COL5A1: variants seen among roughly 807,000 people sequenced by gnomAD.
COL5A1 encodes the protein collagen alpha-1(V) chain.
COL5A1 carries 16 observed loss-of-function variants against 263.7 expected under a neutral mutation model. The ratio of observed to expected loss-of-function variants is 0.06; its 90% CI spans 0.04 to 0.09. The LOEUF is 0.09. COL5A1 is among the 10% of genes least tolerant of loss of function. The pLI is 1.00. For missense variants in COL5A1, 2,036 were observed against 2,540.5 expected (o/e 0.80, Z 4.27); for synonymous variants, 1,012 against 1,004.5 (o/e 1.01, Z -0.14).
intron 41 of COL5A1, among the ~76,000 whole-genome samples, chr9:134,805,701 A>C (rs1838270771): frequency 1.3e-5 from 2 of 152,170 alleles, no homozygotes; most frequent in Admixed American, 1.3e-4. Context: ...GGCATCCCCT[A>C]GAAAACGCAC....
At position 134,726,208 on chromosome 9, in the gene COL5A1, C is replaced by T. The variant is rs1834644035; in HGVS notation, c.655-1058C>T. ...AAAGCTGCCAGCACTGCACTGGCAT[C>T]TGGCAGGTGCTCAACAGGTGTCTGG... On this transcript the variant is annotated intron_variant, in intron 4 of 65. Transcript: ENST00000371817. 5.3e-5 allele frequency among the ~76,000 whole-genome samples: 8 copies of T among 152,212 alleles called. 1 individual carries two copies. In the South Asian group the frequency reaches 1.7e-3, roughly 32 times the overall value.
chr9:134,791,671 C>T (rs1837695784), intron 32 of COL5A1, among the ~76,000 whole-genome samples: 1 of 152,088 alleles, frequency 6.6e-6, no homozygotes, highest in African/African-American at 2.4e-5. Context: ...CCTCTGGGCG[C>T]TGGCTTGCCT....
rs1317785125 is a variant in COL5A1, at chr9:134,652,110, C to T, written c.109+9814C>T. ...CCCGCGGTCGAGGTGGGGTGAAGGG[C>T]GTTCTCGAGGGAAGGGTAGGGAACG... On this transcript the variant is annotated intron_variant, in intron 1 of 65. Coordinates refer to ENST00000371817, the MANE Select transcript of COL5A1 (RefSeq NM_000093.5). This position sits in a 1 kb window ranked among gnomAD's most constrained non-coding sequence, Gnocchi z 4.4. Among the ~76,000 whole-genome samples the T allele has an allele frequency of 6.6e-6, 1 of 152,056 alleles. No individual in the cohort carries two copies. Among genetic ancestry groups the T allele is most frequent in the Admixed American group, 6.5e-5 (1 of 15,270 alleles).
intron 9 of COL5A1, chr9:134,732,621 T>C (rs1834937396): frequency 4.5e-6 from 1 of 223,172 alleles, no homozygotes; most frequent in Non-Finnish European, 9.0e-6. Context: ...TGGAATACTG[T>C]TTATGAAACT....
At position 134,741,030 on chromosome 9, in the gene COL5A1, C is replaced by T. The variant is rs1835282401; in HGVS notation, c.1494+2222C>T. Reference sequence around the variant, plus strand: ...TCCAGGAGCTGAGAGCTGACCACCCCTCTGGGTCCAGCTCCGGCCAGCCTT... The same window carrying T: ...TCCAGGAGCTGAGAGCTGACCACCCTTCTGGGTCCAGCTCCGGCCAGCCTT... On this transcript the variant is annotated intron_variant, in intron 11 of 65. Transcript: ENST00000371817. The surrounding 1 kb of genome is among the most constrained non-coding windows in gnomAD (Gnocchi z 4.5). 6.6e-6 allele frequency among the ~76,000 whole-genome samples: 1 copy of T among 152,200 alleles called. No homozygotes were observed. The highest frequency in any genetic ancestry group is 2.1e-4 in the South Asian group (1 of 4,832).
chr9:134,818,153 G>A lies in COL5A1; in HGVS notation c.4230+322G>A, dbSNP rs1316860168. Among the ~76,000 whole-genome samples the A allele has an allele frequency of 6.6e-6, 1 of 152,208 alleles. No individual in the cohort carries two copies. Among genetic ancestry groups the A allele is most frequent in the African/African-American group, 2.4e-5 (1 of 41,460 alleles). The stretch of plus-strand genomic sequence containing the variant: ...GACCTCATGCCTGGTCTTTGAGTCG[G>A]CCAGACCTGAGCCGCCTACCTCTGA... On this transcript the variant is annotated intron_variant, in intron 54 of 65. Transcript: ENST00000371817. This position sits in a 1 kb window ranked among gnomAD's most constrained non-coding sequence, Gnocchi z 6.0.
At position 134,795,310 on chromosome 9, in the gene COL5A1, C is replaced by T. The variant is rs761681285; in HGVS notation, c.2794C>T (p.Pro932Ser). The T allele has an allele frequency of 5.0e-6, 8 of 1,613,414 alleles. No homozygotes were observed. The highest frequency in any genetic ancestry group is 1.7e-5 in the Admixed American group (1 of 59,976). ...GPRGITGKPG[P>S]KGNSGGDGPA... is the part of the protein sequence containing the mutation. ...CCGGGGCATCACTGGGAAGCCTGGC[C>T]CCAAGGTATGTTTTTGGCCTCCTGG... The change falls in exon 34 of 66, where the codon CCC becomes TCC. Residue 932 changes from proline to serine, a missense_variant. Physicochemically the swap from Pro to Ser is moderately conservative, Grantham distance 74. Around this residue, in one of 3 missense-constraint regions of COL5A1, gnomAD observed 1,078 missense variants for 1,521.4 expected, o/e 0.71. Coordinates refer to ENST00000371817, the MANE Select transcript of COL5A1 (RefSeq NM_000093.5).
Position 134,677,465 on chromosome 9 carries a change from G to A in COL5A1, c.110-13447G>A, listed in dbSNP as rs904808076. Among the ~76,000 whole-genome samples, 8 of 152,178 alleles carry A rather than the reference G, an allele frequency of 5.3e-5. No individual in the cohort carries two copies. The highest frequency in any genetic ancestry group is 2.6e-4 in the Admixed American group (4 of 15,282). The stretch of plus-strand genomic sequence containing the variant: ...CTGCCCACACAGGCAGGAATCCAGT[G>A]CATCCAGTAGAGAGAGGCCATGTGC... On this transcript the variant is annotated intron_variant, in intron 1 of 65. Coordinates refer to ENST00000371817, the MANE Select transcript of COL5A1 (RefSeq NM_000093.5). The surrounding 1 kb of genome is among the most constrained non-coding windows in gnomAD (Gnocchi z 4.4).
At position 134,765,545 on chromosome 9, in the gene COL5A1, A is replaced by T; in HGVS notation, c.2035-136A>T. ...CAGGCTGGGAGGGAGTCTGGGCCTCACTCCTGGGAGGCCAGGAGGCCTGAG... is the reference window on the plus strand; with the variant it reads ...CAGGCTGGGAGGGAGTCTGGGCCTCTCTCCTGGGAGGCCAGGAGGCCTGAG... On this transcript the variant is annotated intron_variant, in intron 20 of 65. Coordinates refer to ENST00000371817, the MANE Select transcript of COL5A1 (RefSeq NM_000093.5). This position sits in a 1 kb window ranked among gnomAD's most constrained non-coding sequence, Gnocchi z 5.1. 1 of 749,758 alleles carries T rather than the reference A, an allele frequency of 1.3e-6. No homozygotes were observed. Among genetic ancestry groups the T allele is most frequent in the Non-Finnish European group, 2.4e-6 (1 of 423,544 alleles). 46.4% of individuals were successfully genotyped at this position (749,758 alleles called of 1,614,324 possible).
At chr9:134,662,834 G>C (rs10046876) in intron 1 of COL5A1, among the ~76,000 whole-genome samples, 88,854 of 152,038 alleles carry the variant, frequency 0.58, 28,461 homozygotes, top group Non-Finnish European at 0.74. Flanking sequence ...CATCTTCCTC[G>C]GGCCGCAAGT....
chr9:134,776,300 G>A (rs893191336), intron 27 of COL5A1, among the ~76,000 whole-genome samples: 2 of 152,286 alleles, frequency 1.3e-5, no homozygotes, highest in East Asian at 1.9e-4. Context: ...AATTCCTGTC[G>A]CATAGCAGAA....
In COL5A1 at chr9:134,701,294, C is replaced by A. The variant is rs201286195; in HGVS notation, c.615C>A (p.Ile205=). The change falls in exon 4 of 66, where the codon ATC becomes ATA. Residue 205 remains isoleucine, a synonymous_variant. Coordinates refer to ENST00000371817, the MANE Select transcript of COL5A1 (RefSeq NM_000093.5). ...CCATGATCGACATCAATGGCATCAT[C>A]GTGTTTGGCACCCGGATCCTGGATG... The part of the protein sequence containing the change: ...DHPMIDINGI[I]VFGTRILDEE... 130 of 1,613,860 alleles carry A rather than the reference C, an allele frequency of 8.1e-5. 1 individual carries two copies. The highest frequency in any genetic ancestry group is 9.1e-5 in the Non-Finnish European group (107 of 1,180,030).
chr9:134,730,253 C>T lies in COL5A1; in HGVS notation c.942C>T (p.Pro314=). ...TEVPEELTPT[P]TEAAPMPETS... is the part of the protein sequence containing the mutation. Reference sequence around the variant, plus strand: ...GCTCCCAGGAGCTGACCCCGACCCCCACGGAAGCTGCTCCCATGCCTGAAA... The same window carrying T: ...GCTCCCAGGAGCTGACCCCGACCCCTACGGAAGCTGCTCCCATGCCTGAAA... The change falls in exon 7 of 66, where the codon CCC becomes CCT. Residue 314 remains proline (P), a synonymous_variant. Transcript: ENST00000371817. The T allele has an allele frequency of 6.2e-7, 1 of 1,614,014 alleles. No homozygotes were observed. Among genetic ancestry groups the T allele is most frequent in the South Asian group, 1.1e-5 (1 of 91,080 alleles).
chr9:134,741,543 G>A lies in COL5A1; in HGVS notation c.1494+2735G>A, dbSNP rs1835303510. ...CAAAGTCTGTTGATGCAGATTCACT[G>A]GGGGCTGGCCTCCCTCTCAGGTGAT... On this transcript the variant is annotated intron_variant, in intron 11 of 65. Coordinates refer to ENST00000371817, the MANE Select transcript of COL5A1 (RefSeq NM_000093.5). The surrounding 1 kb of genome is among the most constrained non-coding windows in gnomAD (Gnocchi z 4.5). 6.6e-6 allele frequency among the ~76,000 whole-genome samples: 1 copy of A among 152,068 alleles called. No individual in the cohort carries two copies. Among genetic ancestry groups the A allele is most frequent in the Non-Finnish European group, 1.5e-5 (1 of 68,032 alleles).
Position 134,647,969 on chromosome 9 carries a change from G to A in COL5A1, c.109+5673G>A, listed in dbSNP as rs1221946195. Among the ~76,000 whole-genome samples the A allele has an allele frequency of 1.3e-5, 2 of 152,154 alleles. No homozygotes were observed. Among genetic ancestry groups the A allele is most frequent in the South Asian group, 2.1e-4 (1 of 4,826 alleles). On this transcript the variant is annotated intron_variant, in intron 1 of 65. Transcript: ENST00000371817. This position sits in a 1 kb window ranked among gnomAD's most constrained non-coding sequence, Gnocchi z 5.0. ...TGAAGGATACAAGTATTAATCCTGC[G>A]TGTGTCTATGAGAGTGTTGCCAAAG...
rs148703448 is a variant in COL5A1 at position 134,827,814 on chromosome 9, G to A, written c.5067+1910G>A. Among the ~76,000 whole-genome samples the A allele has an allele frequency of 9.4e-4, 143 of 152,350 alleles. 2 individuals carry two copies. Among genetic ancestry groups the A allele is most frequent in the African/African-American group, 3.2e-3 (131 of 41,582 alleles). ...CACAGCAGAGGCTGGGGGAGCCCGCGCTTGCCCACATCCCGGGACTCTTCC... is the reference window on the plus strand; with the variant it reads ...CACAGCAGAGGCTGGGGGAGCCCGCACTTGCCCACATCCCGGGACTCTTCC... On this transcript the variant is annotated intron_variant, in intron 63 of 65. Transcript: ENST00000371817.
rs3196378 is a variant in COL5A1 at position 134,843,036 on chromosome 9, C to A, written c.*733C>A. The A allele has an allele frequency of 0.42, 64,088 of 151,780 alleles. 16,084 individuals carry two copies. The highest frequency in any genetic ancestry group is 0.58 in the Middle Eastern group (168 of 292). 9.4% of individuals were successfully genotyped at this position (151,780 alleles called of 1,614,324 possible). ...TAGAAATAGGAAGTCTCCCCACCCC[C>A]GCCCTGGCCAAGAACGTGCAATAAA... is the stretch of plus-strand genomic sequence containing the variant. On this transcript the variant is annotated 3_prime_UTR_variant, in exon 66 of 66. Coordinates refer to ENST00000371817, the MANE Select transcript of COL5A1 (RefSeq NM_000093.5).
At chr9:134,737,406 A>G (rs1348681504) in intron 9 of COL5A1, among the ~76,000 whole-genome samples, 1 of 152,198 alleles carries the variant, frequency 6.6e-6, no homozygotes, top group Non-Finnish European at 1.5e-5. Context: ...GGTGCAGGGC[A>G]GGGAATGCTG....
chr9:134,701,113 A>G (rs1833657128), intron 3 of COL5A1, 58 bp from the exon 4 acceptor site: 1 of 1,590,788 alleles, frequency 6.3e-7, no homozygotes, highest in Non-Finnish European at 8.6e-7. Flanking sequence ...TTGCAGCAAA[A>G]TTGCTTGAGC....
Sources: allele counts gnomAD v4.1 joint callset (sites outside exome capture counted in the v4.1 genomes callset), GRCh38; gene constraint gnomAD v4.1.1; regional missense constraint gnomAD v4.1.1; non-coding constraint Gnocchi (gnomAD v3.1); transcripts MANE v1.5; gene names NCBI Gene and HGNC (gene_info 2026-07-23, HGNC 2026-07-21).